Variants in COL18A1 observed in about 807,000 individuals in gnomAD.
COL18A1 encodes the protein collagen type XVIII alpha 1 chain, also known as collagen alpha-1(XVIII) chain.
In COL18A1, 133 loss-of-function variants were observed where a neutral mutation model predicts 168.0. That is an observed-to-expected ratio of 0.79 (90% CI 0.69 to 0.91). The LOEUF (loss-of-function observed/expected upper bound fraction) is 0.91, where lower values mean the gene tolerates loss of function less well. Among genes scored for constraint, COL18A1 ranks in the 40% least tolerant of loss-of-function variants. The pLI is 0.00. For missense variants in COL18A1, 2,126 were observed against 1,925.4 expected, an observed-to-expected ratio of 1.10 and a Z score of -1.95; for synonymous variants, 949 against 809.0, an observed-to-expected ratio of 1.17 and a Z score of -2.94.
rs771686771 is a variant in COL18A1 at position 45,456,137 on chromosome 21, G to C, written c.107-12105G>C. ...GCCTCCCTCCCTGGGCAGGCCCTGG[G>C]CACCACTCACGGGGCCCTCAGTGCC... On this transcript the variant is annotated intron_variant, in intron 2 of 41. Transcript: ENST00000651438. 5.0e-5 allele frequency: 79 copies of C among 1,584,408 alleles called. 1 individual carries two copies. In the South Asian group the frequency reaches 8.6e-4, roughly 17 times the overall value.
At chr21:45,432,893 C>T (rs1441054478) in intron 2 of COL18A1, among the ~76,000 whole-genome samples, 1 of 152,256 alleles carries the variant, frequency 6.6e-6, no homozygotes, top group Non-Finnish European at 1.5e-5. Flanking sequence ...ATCAAGGCTG[C>T]AGAAGACAGA....
At chr21:45,451,034 C>T (rs2034610158) in intron 2 of COL18A1, among the ~76,000 whole-genome samples, 1 of 152,368 alleles carries the variant, frequency 6.6e-6, no homozygotes. Flanking sequence ...CAGGGCCCGA[C>T]TCTGCAGGAC....
At chr21:45,486,172 T>C (rs941205554) in intron 15 of COL18A1, among the ~76,000 whole-genome samples, 3 of 152,164 alleles carry the variant, frequency 2.0e-5, no homozygotes, top group Admixed American at 6.5e-5. Context: ...TTCGGACTAA[T>C]AGAGTCACCG....
At chr21:45,491,873 AGCCCTGGGCAGATGCAGG>A (rs1332557817) in intron 22 of COL18A1, among the ~76,000 whole-genome samples, 1 of 152,142 alleles carries the variant, frequency 6.6e-6, no homozygotes, top group East Asian at 1.9e-4. Flanking sequence ...CAGGGAGCTG[AGCCCTGGGCAGATGCAGG>A]GCCCAGGGCA....
intron 4 of COL18A1, 129 bp from the exon 5 acceptor site, chr21:45,475,347 A>G: frequency 1.2e-6 from 1 of 837,324 alleles, no homozygotes; most frequent in Non-Finnish European, 2.0e-6. Flanking sequence ...AGAGCACCAG[A>G]GAGGGCTGGA....
intron 3 of COL18A1, among the ~76,000 whole-genome samples, chr21:45,472,020 G>C (rs1037788809): frequency 6.6e-6 from 1 of 152,116 alleles, no homozygotes; most frequent in South Asian, 2.1e-4. Context: ...CTGTAGCCCC[G>C]TGCAGGAGGC....
intron 32 of COL18A1, 133 bp from the exon 33 acceptor site, chr21:45,503,878 A>T (rs2037019590): frequency 6.2e-6 from 5 of 808,114 alleles, no homozygotes; most frequent in African/African-American, 1.7e-5. Flanking sequence ...GAAGAACCTA[A>T]TTAAATACGC....
Position 45,487,386 on chromosome 21 carries a change from G to A in COL18A1, c.1834-61G>A, listed in dbSNP as rs187248768. 68 of 1,587,888 alleles carry A rather than the reference G, an allele frequency of 4.3e-5. No homozygotes were observed. The African/African-American group carries it at 7.4e-4, about 17-fold the overall frequency. Reference sequence around the variant, plus strand: ...CCTCCTCTCGGGCAGTGCCACCCCAGGGAGGGGTCCTTCCCTAAGAAGGGA... The same window carrying A: ...CCTCCTCTCGGGCAGTGCCACCCCAAGGAGGGGTCCTTCCCTAAGAAGGGA... On this transcript the variant is annotated intron_variant, in intron 16 of 41. Transcript: ENST00000651438.
chr21:45,475,200 C>T (rs1023776829), intron 4 of COL18A1, among the ~76,000 whole-genome samples: 1 of 152,180 alleles, frequency 6.6e-6, no homozygotes, highest in Non-Finnish European at 1.5e-5. Flanking sequence ...TTCCCCCTCC[C>T]GCCTCCGCAT....
At chr21:45,406,838 C>G (rs184584212) in intron 2 of COL18A1, among the ~76,000 whole-genome samples, 1 of 152,238 alleles carries the variant, frequency 6.6e-6, no homozygotes, top group African/African-American at 2.4e-5. Context: ...ACTGTTAACG[C>G]GAGCTTTGGT....
Position 45,493,231 on chromosome 21 carries a change from G to A in COL18A1, c.2277+6G>A. On this transcript the variant is annotated splice_donor_region_variant and intron_variant, in intron 25 of 41. Coordinates refer to ENST00000651438, the MANE Select transcript of COL18A1 (RefSeq NM_001379500.1). ...GAGGCTCCCCGGGACCCAAGGTAAGGGGCTCAGGTGCTGTCCCTCAACCCC... is the reference window on the plus strand; with the variant it reads ...GAGGCTCCCCGGGACCCAAGGTAAGAGGCTCAGGTGCTGTCCCTCAACCCC... 6.4e-7 allele frequency: 1 copy of A among 1,555,218 alleles called. No homozygotes were observed. Among genetic ancestry groups the A allele is most frequent in the Non-Finnish European group, 8.7e-7 (1 of 1,149,382 alleles).
intron 6 of COL18A1, 48 bp from the exon 7 acceptor site, chr21:45,477,363 G>A (rs1333390259): frequency 6.6e-7 from 1 of 1,526,248 alleles, no homozygotes; most frequent in South Asian, 1.2e-5. Flanking sequence ...AGCAGAGCTG[G>A]GGCCACCCGG....
At chr21:45,414,836 G>A (rs953636460) in intron 2 of COL18A1, among the ~76,000 whole-genome samples, 3 of 152,328 alleles carry the variant, frequency 2.0e-5, no homozygotes, top group African/African-American at 7.2e-5. Flanking sequence ...CGTGAGTATG[G>A]CCTGTGTGTG....
At chr21:45,414,306 G>A (rs1417014035) in intron 2 of COL18A1, among the ~76,000 whole-genome samples, 1 of 152,244 alleles carries the variant, frequency 6.6e-6, no homozygotes, top group Non-Finnish European at 1.5e-5. Flanking sequence ...GGCACATCTT[G>A]ATGCGGGGTC....
chr21:45,466,710 C>T (rs2035227635), intron 2 of COL18A1, among the ~76,000 whole-genome samples: 2 of 152,192 alleles, frequency 1.3e-5, no homozygotes, highest in Admixed American at 1.3e-4. Context: ...GTTGCTGTCA[C>T]TGGGGTCCCT....
rs191339857 is a variant in COL18A1, at chr21:45,503,898, C to A, written c.2684-113C>A. The A allele has an allele frequency of 2.2e-5, 24 of 1,078,642 alleles. 1 individual carries two copies. The East Asian group carries it at 4.1e-4, about 18-fold the overall frequency. The allele number at this position is 1,078,642 out of a possible 1,614,324, so 66.8% of individuals were successfully genotyped here. On this transcript the variant is annotated intron_variant, in intron 32 of 41. Coordinates refer to ENST00000651438, the MANE Select transcript of COL18A1 (RefSeq NM_001379500.1). Reference sequence around the variant, plus strand: ...ACCTAATTAAATACGCGATCTCTACCGCGAAATGGCTAGAAGGGCCTCAGG... The same window carrying A: ...ACCTAATTAAATACGCGATCTCTACAGCGAAATGGCTAGAAGGGCCTCAGG...
At chr21:45,449,028 CAG>C (rs1220866400) in intron 2 of COL18A1, among the ~76,000 whole-genome samples, 1 of 152,224 alleles carries the variant, frequency 6.6e-6, no homozygotes, top group Non-Finnish European at 1.5e-5. Flanking sequence ...GGCCTCCTGT[CAG>C]GGGCAGAGGT....
intron 37 of COL18A1, chr21:45,506,657 G>A (rs1359147455): frequency 2.3e-5 from 4 of 171,300 alleles, no homozygotes; most frequent in East Asian, 1.5e-4. Context: ...TGTGACATCC[G>A]TGGGAGCCTC....
intron 27 of COL18A1, 139 bp from the exon 28 acceptor site, chr21:45,494,723 G>A: frequency 7.6e-7 from 1 of 1,310,912 alleles, no homozygotes. Context: ...TCGGCGTGAG[G>A]CTGCAGTGGG....
Sources: gnomAD v4.1 joint callset for allele counts (sites outside exome capture counted in the v4.1 genomes callset) on GRCh38, gnomAD v4.1.1 for gene constraint, MANE v1.5 for transcripts, NCBI Gene and HGNC (gene_info 2026-07-23, HGNC 2026-07-21) for gene names.